The following AMBRA1 variants were observed in gnomAD, a reference collection of about 807,000 sequenced individuals.
AMBRA1 encodes activating molecule in BECN1-regulated autophagy protein 1.
In AMBRA1, 47 loss-of-function variants were observed where a neutral mutation model predicts 125.4. That is an observed-to-expected ratio of 0.37 (90% CI 0.30 to 0.48). The LOEUF is 0.48. Among genes scored for constraint, AMBRA1 ranks in the 20% least tolerant of loss-of-function variants. The probability of loss-of-function intolerance (pLI) is 0.99; values close to 1 mark genes in which losing one functional copy is unlikely to be tolerated. For missense variants in AMBRA1, 1,331 were observed against 1,693.4 expected, an observed-to-expected ratio of 0.79 and a Z score of 3.76; for synonymous variants, 626 against 655.5, an observed-to-expected ratio of 0.95 and a Z score of 0.69.
intron 12 of AMBRA1, among the ~76,000 whole-genome samples, chr11:46,440,640 TGAA>T (rs1043413746): frequency 5.3e-5 from 8 of 152,270 alleles, no homozygotes; most frequent in African/African-American, 1.9e-4. Flanking sequence ...AAGCTAGAAA[TGAA>T]GAAGCAAACT....
At chr11:46,513,518 T>C (rs1174642865) in intron 7 of AMBRA1, among the ~76,000 whole-genome samples, 1 of 152,098 alleles carries the variant, frequency 6.6e-6, no homozygotes, top group African/African-American at 2.4e-5. Flanking sequence ...CACCACAACC[T>C]AGAAAGGTAG....
intron 11 of AMBRA1, among the ~76,000 whole-genome samples, chr11:46,473,850 C>T (rs1422050894): frequency 6.6e-6 from 1 of 152,236 alleles, no homozygotes; most frequent in East Asian, 1.9e-4. Context: ...CGGTGTTTCA[C>T]CGTGTTAGCC....
At chr11:46,537,957 C>G (rs1166243766) in intron 7 of AMBRA1, among the ~76,000 whole-genome samples, 1 of 152,200 alleles carries the variant, frequency 6.6e-6, no homozygotes, top group East Asian at 1.9e-4. Flanking sequence ...CGTACACAAA[C>G]AGCAGGGACA....
intron 11 of AMBRA1, among the ~76,000 whole-genome samples, chr11:46,471,359 A>G (rs1319736636): frequency 1.3e-5 from 2 of 152,042 alleles, no homozygotes; most frequent in Non-Finnish European, 2.9e-5. Context: ...CAGGAGGATC[A>G]CAAGGTCAGG....
intron 7 of AMBRA1, among the ~76,000 whole-genome samples, chr11:46,527,606 A>G (rs1952034372): frequency 6.6e-6 from 1 of 151,898 alleles, no homozygotes; most frequent in Non-Finnish European, 1.5e-5. Flanking sequence ...TAACCAAAAA[A>G]CCCCACAAAT....
At chr11:46,505,025 T>C (rs1950980997) in intron 9 of AMBRA1, among the ~76,000 whole-genome samples, 1 of 151,806 alleles carries the variant, frequency 6.6e-6, no homozygotes, top group South Asian at 2.1e-4. Context: ...GAGGGAGAGG[T>C]CATCAAAGTG....
At chr11:46,551,537 A>C (rs1033414641) in intron 1 of AMBRA1, among the ~76,000 whole-genome samples, 9 of 152,142 alleles carry the variant, frequency 5.9e-5, no homozygotes, top group Non-Finnish European at 1.5e-5. Flanking sequence ...TAGTTTTTGA[A>C]AAAGGTAAAT....
At chr11:46,590,240 G>C (rs1269133721) in intron 1 of AMBRA1, among the ~76,000 whole-genome samples, 1 of 151,670 alleles carries the variant, frequency 6.6e-6, no homozygotes, top group Non-Finnish European at 1.5e-5. Context: ...GTGCGGTGGT[G>C]CGCACCTGTA....
intron 11 of AMBRA1, among the ~76,000 whole-genome samples, chr11:46,453,059 C>A (rs1020873232): frequency 6.6e-6 from 1 of 152,126 alleles, no homozygotes; most frequent in Admixed American, 6.5e-5. Flanking sequence ...ATTTTCATCT[C>A]CCCTAAATAC....
intron 16 of AMBRA1, among the ~76,000 whole-genome samples, chr11:46,409,612 T>G (rs1946191340): frequency 6.6e-6 from 1 of 152,198 alleles, no homozygotes; most frequent in East Asian, 1.9e-4. Context: ...TGGCCAATGC[T>G]AGCATCCCCC....
chr11:46,513,150 GCA>G (rs766637409), intron 7 of AMBRA1, among the ~76,000 whole-genome samples: 7 of 152,060 alleles, frequency 4.6e-5, no homozygotes, highest in African/African-American at 1.2e-4. Context: ...GAAAAATTAG[GCA>G]CACACAGAGA....
At chr11:46,561,526 T>C (rs1404129699) in intron 1 of AMBRA1, among the ~76,000 whole-genome samples, 3 of 152,176 alleles carry the variant, frequency 2.0e-5, no homozygotes, top group African/African-American at 7.2e-5. Flanking sequence ...GAAATTCATC[T>C]AGATTCACAG....
intron 9 of AMBRA1, among the ~76,000 whole-genome samples, chr11:46,494,406 T>G (rs1264883788): frequency 1.3e-5 from 2 of 152,168 alleles, no homozygotes; most frequent in African/African-American, 4.8e-5. Context: ...TTTATGAGCA[T>G]TTACCAACAG....
At chr11:46,591,329 C>A (rs1304888982) in intron 1 of AMBRA1, 1 of 152,210 alleles carries the variant, frequency 6.6e-6, no homozygotes, top group Non-Finnish European at 1.5e-5. Context: ...CTAGATTCTC[C>A]ATAAAGATAG....
chr11:46,400,485 T>TG (rs1945695079), intron 17 of AMBRA1, among the ~76,000 whole-genome samples: 2 of 71,046 alleles, frequency 2.8e-5, no homozygotes, highest in South Asian at 4.8e-4. Flanking sequence ...TTTTTTTTTT[T>TG]TTTTTTTTTT....
chr11:46,560,462 C>CT (rs2043293854), intron 1 of AMBRA1, among the ~76,000 whole-genome samples: 1 of 152,156 alleles, frequency 6.6e-6, no homozygotes, highest in Non-Finnish European at 1.5e-5. Flanking sequence ...TGCCTAATGT[C>CT]TGAAACACGG....
At chr11:46,509,587 C>T (rs1433373156) in intron 8 of AMBRA1, among the ~76,000 whole-genome samples, 2 of 151,974 alleles carry the variant, frequency 1.3e-5, no homozygotes, top group Admixed American at 6.6e-5. Flanking sequence ...ATTAATATAT[C>T]CATACAAAGA....
At chr11:46,581,761 C>T (rs1032771704) in intron 1 of AMBRA1, among the ~76,000 whole-genome samples, 2 of 146,206 alleles carry the variant, frequency 1.4e-5, no homozygotes, top group Admixed American at 6.9e-5. Context: ...GACCACACCA[C>T]TGCACTCCAG....
rs546599909 is a variant in AMBRA1 at position 46,449,915 on chromosome 11, G to A, written c.2522-6317C>T. On this transcript the variant is annotated intron_variant, in intron 11 of 17. Transcript: ENST00000683756. ...CTCTACTAAAAATACAAAAATTAGC[G>A]GGGCGTGGTGGCGCATATCTGTAAT... is the stretch of plus-strand genomic sequence containing the variant. Among the ~76,000 whole-genome samples the A allele has an allele frequency of 7.2e-5, 11 of 152,036 alleles. No homozygotes were observed. In the East Asian group the frequency reaches 1.5e-3, roughly 21 times the overall value.
Sources: allele counts gnomAD v4.1 joint callset (sites outside exome capture counted in the v4.1 genomes callset), GRCh38; gene constraint gnomAD v4.1.1; transcripts MANE v1.5; gene names NCBI Gene and HGNC (gene_info 2026-07-23, HGNC 2026-07-21).